The following VPS8 variants were observed in gnomAD, a reference collection of about 807,000 sequenced individuals.
The protein encoded by VPS8 is vacuolar protein sorting-associated protein 8 homolog.
A neutral mutation model predicts 216.4 loss-of-function variants in VPS8; 129 were observed. The observed-to-expected ratio is 0.60, with a 90% CI of 0.52 to 0.69. The LOEUF (loss-of-function observed/expected upper bound fraction) is 0.69. Ranked by LOEUF, VPS8 falls within the 30% of genes least tolerant of loss-of-function variation. The pLI is 0.00. For synonymous variants in VPS8, 571 were observed against 565.4 expected (o/e 1.01, Z -0.14); for missense variants, 1,531 against 1,683.5 (o/e 0.91, Z 1.59).
chr3:184,949,579 C>G (rs779365277), intron 36 of VPS8, among the ~76,000 whole-genome samples: 18 of 151,994 alleles, frequency 1.2e-4, no homozygotes, highest in Non-Finnish European at 2.6e-4. Flanking sequence ...CAAGGATGCA[C>G]TGGATTCCTT....
chr3:184,926,069 C>CT (rs1739557740), intron 30 of VPS8, among the ~76,000 whole-genome samples: 2 of 150,434 alleles, frequency 1.3e-5, no homozygotes, highest in South Asian at 4.2e-4. Flanking sequence ...GCCACTGCGC[C>CT]TAGCCTCTTA....
At chr3:184,976,891 C>G (rs1157343128) in intron 40 of VPS8, among the ~76,000 whole-genome samples, 1 of 152,028 alleles carries the variant, frequency 6.6e-6, no homozygotes, top group Admixed American at 6.6e-5. Context: ...GAGTCCATGT[C>G]TTTGCTATTG....
intron 33 of VPS8, 148 bp from the exon 34 acceptor site, chr3:184,930,322 T>G: frequency 1.9e-6 from 1 of 520,232 alleles, no homozygotes; most frequent in Non-Finnish European, 3.4e-6. Context: ...TTACTCTTTA[T>G]TTTTAGGGAC....
intron 36 of VPS8, among the ~76,000 whole-genome samples, chr3:184,951,481 TAA>T (rs748553613): frequency 8.1e-5 from 11 of 135,786 alleles, no homozygotes; most frequent in African/African-American, 8.1e-5. Flanking sequence ...TGAGACTGTC[TAA>T]AAAAAAAAAA....
intron 17 of VPS8, among the ~76,000 whole-genome samples, chr3:184,867,201 G>A (rs755036294): frequency 2.0e-5 from 3 of 152,118 alleles, no homozygotes; most frequent in Non-Finnish European, 4.4e-5. Flanking sequence ...ATGTGCTTTT[G>A]TAAGCTTCCT....
chr3:184,871,063 C>G (rs1452578793), intron 21 of VPS8, among the ~76,000 whole-genome samples: 2 of 152,026 alleles, frequency 1.3e-5, no homozygotes, highest in Admixed American at 6.5e-5. Flanking sequence ...TGTGAAGATC[C>G]TTTGCTGTAA....
At position 184,866,590 on chromosome 3, in the gene VPS8, A is replaced by G. The variant is rs73885606; in HGVS notation, c.1396-286A>G. Among the ~76,000 whole-genome samples the G allele has an allele frequency of 2.5e-3, 382 of 152,346 alleles. 1 individual carries two copies. Among genetic ancestry groups the G allele is most frequent in the African/African-American group, 8.8e-3 (365 of 41,588 alleles). ...TTTAACAAAAGCAATTGACTGTTTA[A>G]AACAAAAATAATGTGTTGTGAAGTT... is the stretch of plus-strand genomic sequence containing the variant. On this transcript the variant is annotated intron_variant, in intron 16 of 47. Coordinates refer to ENST00000625842, the MANE Select transcript of VPS8 (RefSeq NM_001009921.3).
chr3:184,818,684 A>G (rs1420623418), intron 1 of VPS8, among the ~76,000 whole-genome samples: 1 of 152,204 alleles, frequency 6.6e-6, no homozygotes, highest in Non-Finnish European at 1.5e-5. Context: ...TAAAATTTGC[A>G]TGTAATGTTG....
intron 47 of VPS8, among the ~76,000 whole-genome samples, chr3:185,049,613 C>T (rs1713732748): frequency 6.6e-6 from 1 of 152,098 alleles, no homozygotes; most frequent in African/African-American, 2.4e-5. Context: ...TGTCATGTTA[C>T]TCCCTTGCTT....
intron 35 of VPS8, 41 bp from the exon 36 acceptor site, chr3:184,940,156 T>C (rs1742389329): frequency 7.9e-7 from 1 of 1,265,430 alleles, no homozygotes; most frequent in Non-Finnish European, 1.1e-6. Flanking sequence ...GAAAAATTTG[T>C]TTTAATATTT....
At chr3:184,973,766 G>C (rs1331128855) in intron 40 of VPS8, among the ~76,000 whole-genome samples, 3 of 151,850 alleles carry the variant, frequency 2.0e-5, no homozygotes, top group Admixed American at 2.0e-4. Flanking sequence ...AACTTTTTTA[G>C]CTCCCCACAT....
intron 40 of VPS8, among the ~76,000 whole-genome samples, chr3:184,975,083 T>A: frequency 6.6e-6 from 1 of 152,110 alleles, no homozygotes; most frequent in Non-Finnish European, 1.5e-5. Context: ...GTGTTTTCTA[T>A]TTCTGTGAAA....
Position 185,052,232 on chromosome 3 carries a change from A to T in VPS8, c.*207A>T. On this transcript the variant is annotated 3_prime_UTR_variant, in exon 48 of 48. Coordinates refer to ENST00000625842, the MANE Select transcript of VPS8 (RefSeq NM_001009921.3). ...CACATTGCTGTCATGGCGTCAGTTCACCAGACTCATTGATTTTGTTTTGCT... is the reference window on the plus strand; with the variant it reads ...CACATTGCTGTCATGGCGTCAGTTCTCCAGACTCATTGATTTTGTTTTGCT... 2 of 485,520 alleles carry T rather than the reference A, an allele frequency of 4.1e-6. No individual in the cohort carries two copies. The highest frequency in any genetic ancestry group is 3.8e-5 in the South Asian group (1 of 26,372). 30.1% of individuals were successfully genotyped at this position (485,520 alleles called of 1,614,324 possible).
intron 3 of VPS8, among the ~76,000 whole-genome samples, chr3:184,829,605 C>T (rs1010990189): frequency 1.3e-5 from 2 of 152,022 alleles, no homozygotes; most frequent in Non-Finnish European, 2.9e-5. Context: ...ATATTGGCAC[C>T]GTTTTTGAAA....
In VPS8 at chr3:184,833,569, G is replaced by A. The variant is rs191781313; in HGVS notation, c.353+750G>A. 1.3e-4 allele frequency among the ~76,000 whole-genome samples: 20 copies of A among 152,236 alleles called. No individual in the cohort carries two copies. The South Asian group carries it at 1.5e-3, about 11-fold the overall frequency. On this transcript the variant is annotated intron_variant, in intron 4 of 47. Transcript: ENST00000625842. ...TGGTCACTACCTGCTTAAAAGATAT[G>A]GTATCATCTTGTTGCCTGCAAAATT...
At chr3:184,969,901 CTTTTTTTTTTTT>C (rs755680287) in intron 39 of VPS8, among the ~76,000 whole-genome samples, 93 of 110,228 alleles carry the variant, frequency 8.4e-4, no homozygotes, top group African/African-American at 3.1e-3. Flanking sequence ...TACTTTCTTA[CTTTTTTTTTTTT>C]TTTTTTTTTT....
chr3:185,051,727 T>G (rs1274582838), intron 47 of VPS8, 149 bp from the exon 48 acceptor site: 1 of 957,124 alleles, frequency 1.0e-6, no homozygotes, highest in Middle Eastern at 2.5e-4. Flanking sequence ...ACTGCTCGTT[T>G]GTGATATATG....
At chr3:184,882,816 T>C (rs914722211) in intron 21 of VPS8, among the ~76,000 whole-genome samples, 1 of 152,114 alleles carries the variant, frequency 6.6e-6, no homozygotes, top group African/African-American at 2.4e-5. Context: ...ATTGGTGCAC[T>C]TCATGTAAAT....
At chr3:184,894,664 A>G (rs2073277167) in intron 22 of VPS8, 39 bp from the exon 23 acceptor site, 1 of 1,465,270 alleles carries the variant, frequency 6.8e-7, no homozygotes, top group Non-Finnish European at 9.3e-7. Context: ...GATATTTGGC[A>G]TGTTCCTAAA....
Sources: gnomAD v4.1 joint callset for allele counts (sites outside exome capture counted in the v4.1 genomes callset) on GRCh38, gnomAD v4.1.1 for gene constraint, MANE v1.5 for transcripts, NCBI Gene and HGNC (gene_info 2026-07-23, HGNC 2026-07-21) for gene names.